The following USP6NL variants were observed in gnomAD, a reference collection of about 807,000 sequenced individuals.
USP6NL encodes USP6 N-terminal-like protein.
In USP6NL, 26 loss-of-function variants were observed where a neutral mutation model predicts 61.9. The ratio of observed to expected loss-of-function variants is 0.42; its 90% CI spans 0.31 to 0.58. The LOEUF is 0.58. USP6NL is among the 20% of genes least tolerant of loss of function. The pLI is 0.16. For missense variants in USP6NL, 1,114 were observed against 1,034.3 expected, an observed-to-expected ratio of 1.08 and a Z score of -1.06; for synonymous variants, 432 against 390.1, an observed-to-expected ratio of 1.11 and a Z score of -1.27.
intron 2 of USP6NL, among the ~76,000 whole-genome samples, chr10:11,556,398 TAGAAAC>T (rs1157034647): frequency 6.6e-6 from 1 of 152,016 alleles, no homozygotes; most frequent in Non-Finnish European, 1.5e-5. Flanking sequence ...TGTAGAAAGA[TAGAAAC>T]AGAAAGTCAG....
Position 11,478,926 on chromosome 10 carries a change from G to A in USP6NL, c.1078+2844C>T, listed in dbSNP as rs1833077003. Reference sequence around the variant, plus strand: ...GTCTCATGTTTAAAAAGTGTAACTGGAAAAGCAGAGAGCAATGGAACAGAA... The same window carrying A: ...GTCTCATGTTTAAAAAGTGTAACTGAAAAAGCAGAGAGCAATGGAACAGAA... On this transcript the variant is annotated intron_variant, in intron 14 of 14. Transcript: ENST00000609104. The surrounding 1 kb of genome is among the most constrained non-coding windows in gnomAD (Gnocchi z 6.8). Among the ~76,000 whole-genome samples, 1 of 151,792 alleles carries A rather than the reference G, an allele frequency of 6.6e-6. No individual in the cohort carries two copies. The highest frequency in any genetic ancestry group is 1.5e-5 in the Non-Finnish European group (1 of 67,902).
At position 11,600,061 on chromosome 10, in the gene USP6NL, CT is replaced by C. The variant is rs1838468500; in HGVS notation, c.-83-2345del. 6.6e-6 allele frequency among the ~76,000 whole-genome samples: 1 copy of C among 152,100 alleles called. No homozygotes were observed. The highest frequency in any genetic ancestry group is 2.1e-4 in the South Asian group (1 of 4,818). ...ATGTTTAGACTCCCTTTCTCCTCCC[CT>C]AAATGCTACTTTTGCACTAAACATA... is the stretch of plus-strand genomic sequence containing the variant. On this transcript the variant is annotated intron_variant, in intron 1 of 14. Transcript: ENST00000609104. The surrounding 1 kb of genome is among the most constrained non-coding windows in gnomAD (Gnocchi z 4.1).
At position 11,463,987 on chromosome 10, in the gene USP6NL, C is replaced by A. The variant is rs375283185; in HGVS notation, c.1079-138G>T. 3.1e-5 allele frequency: 27 copies of A among 860,930 alleles called. No homozygotes were observed. Among genetic ancestry groups the A allele is most frequent in the African/African-American group, 1.9e-4 (11 of 58,566 alleles). The allele number at this position is 860,930 out of a possible 1,614,324, so 53.3% of individuals were successfully genotyped here. On this transcript the variant is annotated intron_variant, in intron 14 of 14. Transcript: ENST00000609104. The surrounding 1 kb of genome is among the most constrained non-coding windows in gnomAD (Gnocchi z 6.3). Reference sequence around the variant, plus strand: ...ACATACAACACACTGTCATACAACACACTGTTTATACCACTTACACACACT... The same window carrying A: ...ACATACAACACACTGTCATACAACAAACTGTTTATACCACTTACACACACT...
At chr10:11,479,351 A>G (rs1421513501) in intron 14 of USP6NL, among the ~76,000 whole-genome samples, 1 of 152,186 alleles carries the variant, frequency 6.6e-6, no homozygotes, top group East Asian at 1.9e-4. Context: ...AAAAGAAAGA[A>G]GGGTGCCCCA....
At chr10:11,560,389 G>A (rs936803826) in intron 2 of USP6NL, among the ~76,000 whole-genome samples, 6 of 152,044 alleles carry the variant, frequency 3.9e-5, no homozygotes, top group African/African-American at 1.4e-4. Context: ...TAACTTCTAT[G>A]CTTTAGATAC....
In USP6NL at chr10:11,490,894, T is replaced by A. The variant is rs761293006; in HGVS notation, c.495-14A>T. 4.6e-6 allele frequency: 7 copies of A among 1,525,820 alleles called. No individual in the cohort carries two copies. The highest frequency in any genetic ancestry group is 5.3e-6 in the Non-Finnish European group (6 of 1,138,942). 94.5% of individuals were successfully genotyped at this position (1,525,820 alleles called of 1,614,324 possible). A position where few individuals can be genotyped will look rare whatever the true frequency, so the allele number is the denominator to read the frequency against. On this transcript the variant is annotated splice_polypyrimidine_tract_variant and intron_variant, in intron 8 of 14. Transcript: ENST00000609104. This position sits in a 1 kb window ranked among gnomAD's most constrained non-coding sequence, Gnocchi z 4.5. ...AAGGATTGTTGCCTAGAGAAAAAAA[T>A]TTACATTAAATACAATTTAGTAATT...
chr10:11,594,975 G>A lies in USP6NL; in HGVS notation c.4+2656C>T, dbSNP rs72777674. Among the ~76,000 whole-genome samples the A allele has an allele frequency of 3.4e-3, 514 of 152,274 alleles. 2 individuals carry two copies. The highest frequency in any genetic ancestry group is 6.0e-3 in the Non-Finnish European group (408 of 68,020). ...AGGCAGAGTGCTATGGAGAAGCAGC[G>A]CACAGGGCTCACCTCCCAACTGGAG... On this transcript the variant is annotated intron_variant, in intron 2 of 14. Transcript: ENST00000609104.
chr10:11,533,591 G>A (rs796829613), intron 2 of USP6NL, among the ~76,000 whole-genome samples: 4 of 152,268 alleles, frequency 2.6e-5, no homozygotes, highest in African/African-American at 9.6e-5. Flanking sequence ...ACCAGCTAAG[G>A]AAAGCAGGCA....
Position 11,495,132 on chromosome 10 carries a change from G to A in USP6NL, c.385-1904C>T, listed in dbSNP as rs370101250. On this transcript the variant is annotated intron_variant, in intron 7 of 14. Coordinates refer to ENST00000609104, the MANE Select transcript of USP6NL (RefSeq NM_014688.5). The surrounding 1 kb of genome is among the most constrained non-coding windows in gnomAD (Gnocchi z 4.6). ...TACCGCTAGACCAAGGAGCCCTCTG[G>A]TGGCCCTGTCCGGGCATAACAGAAG... 1.3e-5 allele frequency among the ~76,000 whole-genome samples: 2 copies of A among 152,190 alleles called. No individual in the cohort carries two copies. The highest frequency in any genetic ancestry group is 2.9e-5 in the Non-Finnish European group (2 of 68,028).
intron 2 of USP6NL, among the ~76,000 whole-genome samples, chr10:11,556,222 T>C (rs1035765947): frequency 2.0e-5 from 3 of 152,198 alleles, no homozygotes; most frequent in Non-Finnish European, 2.9e-5. Context: ...CAGACATCAG[T>C]ACTAATTTGT....
At chr10:11,542,717 T>A (rs1287033589) in intron 2 of USP6NL, among the ~76,000 whole-genome samples, 2 of 151,942 alleles carry the variant, frequency 1.3e-5, no homozygotes, top group Non-Finnish European at 2.9e-5. Context: ...TGACTCTGCC[T>A]CAAAAAACAG....
intron 6 of USP6NL, among the ~76,000 whole-genome samples, chr10:11,501,655 G>A (rs994004671): frequency 2.6e-5 from 4 of 152,128 alleles, no homozygotes; most frequent in African/African-American, 9.7e-5. Context: ...ATGGATTGTA[G>A]AGTGCTGACT....
chr10:11,467,439 T>C (rs1832518420), intron 14 of USP6NL, among the ~76,000 whole-genome samples: 1 of 152,216 alleles, frequency 6.6e-6, no homozygotes. Flanking sequence ...CCTCTGAGAA[T>C]TTATCCTAAG....
intron 2 of USP6NL, among the ~76,000 whole-genome samples, chr10:11,577,482 ATTAG>A (rs1347772596): frequency 6.6e-6 from 1 of 151,918 alleles, no homozygotes; most frequent in Non-Finnish European, 1.5e-5. Flanking sequence ...ACTTCTGTAT[ATTAG>A]TTGTTTGTTT....
chr10:11,488,268 C>A (rs1319477314), intron 10 of USP6NL, among the ~76,000 whole-genome samples: 2 of 151,950 alleles, frequency 1.3e-5, no homozygotes, highest in East Asian at 3.9e-4. Context: ...AAAAAATTAG[C>A]CAGGCATGGA....
Position 11,532,413 on chromosome 10 carries a change from G to A in USP6NL, c.5-4846C>T. The A allele has an allele frequency of 1.9e-6, 1 of 529,472 alleles. No homozygotes were observed. Among genetic ancestry groups the A allele is most frequent in the South Asian group, 3.2e-5 (1 of 31,412 alleles). The allele number at this position is 529,472 out of a possible 1,614,324, so 32.8% of individuals were successfully genotyped here. ...GAAGAAAAAGTTTGAGATGCACTCTGTCTTCTTCTAAGGGAGAAAAAAACC... is the reference window on the plus strand; with the variant it reads ...GAAGAAAAAGTTTGAGATGCACTCTATCTTCTTCTAAGGGAGAAAAAAACC... On this transcript the variant is annotated intron_variant, in intron 2 of 14. Transcript: ENST00000609104. This position sits in a 1 kb window ranked among gnomAD's most constrained non-coding sequence, Gnocchi z 4.1.
intron 4 of USP6NL, among the ~76,000 whole-genome samples, chr10:11,519,930 G>C (rs1294633791): frequency 6.6e-6 from 1 of 152,138 alleles, no homozygotes; most frequent in Non-Finnish European, 1.5e-5. Flanking sequence ...ATATCATCTT[G>C]AAGAGCATGA....
chr10:11,524,971 C>G (rs1367618380), intron 4 of USP6NL, among the ~76,000 whole-genome samples: 3 of 152,130 alleles, frequency 2.0e-5, no homozygotes, highest in Admixed American at 1.3e-4. Context: ...ACATTTATAA[C>G]TATAAGGAAG....
chr10:11,485,560 A>G lies in USP6NL; in HGVS notation c.759+257T>C, dbSNP rs978686826. On this transcript the variant is annotated intron_variant, in intron 11 of 14. Transcript: ENST00000609104. The surrounding 1 kb of genome is among the most constrained non-coding windows in gnomAD (Gnocchi z 4.8). ...ACCTCCAAAACAACTGGGAGATCCC[A>G]TATCTTTAAATTATCACATTGTTTG... Among the ~76,000 whole-genome samples the G allele has an allele frequency of 2.6e-5, 4 of 152,244 alleles. No homozygotes were observed. The highest frequency in any genetic ancestry group is 7.2e-5 in the African/African-American group (3 of 41,474).
Sources: gnomAD v4.1 joint callset for allele counts (sites outside exome capture counted in the v4.1 genomes callset) on GRCh38, gnomAD v4.1.1 for gene constraint, Gnocchi (gnomAD v3.1) non-coding constraint, MANE v1.5 for transcripts, NCBI Gene and HGNC (gene_info 2026-07-23, HGNC 2026-07-21) for gene names.